MSI2: variants seen among roughly 807,000 people sequenced by gnomAD.
The protein encoded by MSI2 is RNA-binding protein Musashi homolog 2.
Under a neutral mutation model 45.6 loss-of-function variants are expected in MSI2, and 17 were observed. The observed-to-expected ratio is 0.37, with a 90% CI of 0.26 to 0.56. The LOEUF (loss-of-function observed/expected upper bound fraction) is 0.56, where lower values mean the gene tolerates loss of function less well. Ranked by LOEUF, MSI2 falls within the 20% of genes least tolerant of loss-of-function variation. MSI2 has a pLI of 0.77. For synonymous variants in MSI2, 156 were observed against 158.2 expected (o/e 0.99, Z 0.11); for missense variants, 293 against 444.2 (o/e 0.66, Z 3.06).
chr17:57,644,386 T>C (rs1333658016), intron 10 of MSI2, among the ~76,000 whole-genome samples: 1 of 152,090 alleles, frequency 6.6e-6, no homozygotes, highest in Admixed American at 6.5e-5. Context: ...ATCCACCTTT[T>C]TTCCACTCTC....
chr17:57,456,779 A>G (rs1567835008), intron 6 of MSI2, among the ~76,000 whole-genome samples: 2 of 152,148 alleles, frequency 1.3e-5, no homozygotes, highest in Non-Finnish European at 2.9e-5. Context: ...AGTTTCCAGG[A>G]CTGCATCATC....
intron 7 of MSI2, among the ~76,000 whole-genome samples, chr17:57,595,998 G>A (rs1213685862): frequency 6.6e-6 from 1 of 152,216 alleles, no homozygotes; most frequent in African/African-American, 2.4e-5. Context: ...CCATGTTAAC[G>A]CTACCATGTG....
intron 11 of MSI2, among the ~76,000 whole-genome samples, chr17:57,668,159 A>G (rs7226327): frequency 0.72 from 109,889 of 152,046 alleles, 40,932 homozygotes; most frequent in African/African-American, 0.9. Context: ...AGATTACACC[A>G]CTGCACTGTT....
At chr17:57,633,324 C>A in intron 10 of MSI2, 3 of 322,812 alleles carry the variant, frequency 9.3e-6, no homozygotes, top group Non-Finnish European at 1.4e-5. Flanking sequence ...GCCGCCTGTT[C>A]CCAGCCCTCC....
chr17:57,503,060 A>T (rs1022811065), intron 6 of MSI2, among the ~76,000 whole-genome samples: 10 of 151,952 alleles, frequency 6.6e-5, no homozygotes, highest in African/African-American at 2.4e-4. Context: ...CTTTTAATTC[A>T]TGCACATTCA....
At position 57,592,715 on chromosome 17, in the gene MSI2, G is replaced by A. The variant is rs192475015; in HGVS notation, c.455-4153G>A. The stretch of plus-strand genomic sequence containing the variant: ...CTGTGGGGTTAGGAAAAGGACCAGC[G>A]GGGAGAATATCAGAGTCAGAATTTG... On this transcript the variant is annotated intron_variant, in intron 7 of 13. Transcript: ENST00000284073. Among the ~76,000 whole-genome samples, 10 of 152,254 alleles carry A rather than the reference G, an allele frequency of 6.6e-5. No individual in the cohort carries two copies. The East Asian group carries it at 1.9e-3, about 29-fold the overall frequency.
In MSI2 at chr17:57,439,595, G is replaced by C. The variant is rs895201684; in HGVS notation, c.405+38124G>C. On this transcript the variant is annotated intron_variant, in intron 6 of 13. Coordinates refer to ENST00000284073, the MANE Select transcript of MSI2 (RefSeq NM_138962.4). ...TTTTTTTGGTGGCATCTCTCGCTCTGTCGCTCAGGCTGGAGTGCAGTGGCA... is the reference window on the plus strand; with the variant it reads ...TTTTTTTGGTGGCATCTCTCGCTCTCTCGCTCAGGCTGGAGTGCAGTGGCA... Among the ~76,000 whole-genome samples, 14 of 145,878 alleles carry C rather than the reference G, an allele frequency of 9.6e-5. No individual in the cohort carries two copies. In the South Asian group the frequency reaches 2.6e-3, roughly 27 times the overall value.
At chr17:57,393,559 C>A (rs748923298) in intron 5 of MSI2, among the ~76,000 whole-genome samples, 2 of 152,136 alleles carry the variant, frequency 1.3e-5, no homozygotes, top group Non-Finnish European at 2.9e-5. Flanking sequence ...TATTTTTTGG[C>A]TGTTGCTGCC....
At chr17:57,414,574 A>G (rs2084258875) in intron 6 of MSI2, among the ~76,000 whole-genome samples, 1 of 151,918 alleles carries the variant, frequency 6.6e-6, no homozygotes, top group African/African-American at 2.4e-5. Flanking sequence ...TATTTTTTGT[A>G]GAGATGATGT....
At position 57,552,235 on chromosome 17, in the gene MSI2, C is replaced by A. The variant is rs1453540519; in HGVS notation, c.454+22511C>A. On this transcript the variant is annotated intron_variant, in intron 7 of 13. Transcript: ENST00000284073. The surrounding 1 kb of genome is among the most constrained non-coding windows in gnomAD (Gnocchi z 4.3). ...ACGGGACAGAGTAACGCACATAACCCATGGGGGAGTTGCAGCGGTCTAATT... is the reference window on the plus strand; with the variant it reads ...ACGGGACAGAGTAACGCACATAACCAATGGGGGAGTTGCAGCGGTCTAATT... 6.6e-6 allele frequency among the ~76,000 whole-genome samples: 1 copy of A among 152,210 alleles called. No homozygotes were observed. The highest frequency in any genetic ancestry group is 1.5e-5 in the Non-Finnish European group (1 of 68,034).
At chr17:57,325,071 C>G (rs1213890381) in intron 5 of MSI2, among the ~76,000 whole-genome samples, 3 of 152,180 alleles carry the variant, frequency 2.0e-5, no homozygotes, top group African/African-American at 7.2e-5. Flanking sequence ...TGGAGCCAAC[C>G]TAAGTGCCCA....
chr17:57,556,102 G>A (rs1325069962), intron 7 of MSI2, among the ~76,000 whole-genome samples: 5 of 152,218 alleles, frequency 3.3e-5, no homozygotes, highest in African/African-American at 1.2e-4. Context: ...ACATTGTCCA[G>A]TGTCCATCAA....
intron 13 of MSI2, among the ~76,000 whole-genome samples, chr17:57,678,592 C>G (rs980609605): frequency 5.9e-5 from 9 of 152,160 alleles, no homozygotes; most frequent in Admixed American, 1.3e-4. Flanking sequence ...CCTCCCTCCC[C>G]TGGAAGAGAA....
At chr17:57,514,656 T>G (rs1405275069) in intron 6 of MSI2, among the ~76,000 whole-genome samples, 2 of 151,900 alleles carry the variant, frequency 1.3e-5, no homozygotes, top group South Asian at 2.1e-4. Context: ...GATACTTTTT[T>G]TTTTTTTTTT....
At chr17:57,338,454 C>G (rs1432725376) in intron 5 of MSI2, among the ~76,000 whole-genome samples, 1 of 152,222 alleles carries the variant, frequency 6.6e-6, no homozygotes, top group Non-Finnish European at 1.5e-5. Context: ...ATGGCACGAT[C>G]TAGGCTCACT....
intron 6 of MSI2, among the ~76,000 whole-genome samples, chr17:57,497,799 C>CA (rs2086011532): frequency 6.6e-6 from 1 of 152,136 alleles, no homozygotes; most frequent in South Asian, 2.1e-4. Flanking sequence ...AGTTGGGGGC[C>CA]GCTGCACTGT....
chr17:57,442,042 T>A (rs1411898869), intron 6 of MSI2, among the ~76,000 whole-genome samples: 1 of 40,532 alleles, frequency 2.5e-5, no homozygotes, highest in Non-Finnish European at 4.3e-5. Context: ...ACACAGCTGA[T>A]TTTTTTTTTT....
chr17:57,314,564 ATTTTTTTTTTT>A (rs56937102), intron 5 of MSI2, among the ~76,000 whole-genome samples: 2 of 61,638 alleles, frequency 3.2e-5, no homozygotes, highest in South Asian at 6.6e-4. Context: ...AGGCACCTGG[ATTTTTTTTTTT>A]TTTTTTTTTT....
At chr17:57,300,193 C>T (rs187797758) in intron 5 of MSI2, among the ~76,000 whole-genome samples, 1 of 152,242 alleles carries the variant, frequency 6.6e-6, no homozygotes, top group African/African-American at 2.4e-5. Context: ...CTCTAAGGAC[C>T]AAGCAGTGGG....
Sources: gnomAD v4.1 joint callset for allele counts (sites outside exome capture counted in the v4.1 genomes callset) on GRCh38, gnomAD v4.1.1 for gene constraint, Gnocchi (gnomAD v3.1) non-coding constraint, MANE v1.5 for transcripts, NCBI Gene and HGNC (gene_info 2026-07-23, HGNC 2026-07-21) for gene names.